The following DLL3 variants were observed in gnomAD, a reference collection of about 807,000 sequenced individuals.
DLL3 encodes the protein delta like canonical Notch ligand 3.
A neutral mutation model predicts 55.0 loss-of-function variants in DLL3; 49 were observed. That is an observed-to-expected ratio of 0.89 (90% CI 0.71 to 1.13). DLL3 has a LOEUF of 1.13. Ranked by LOEUF, DLL3 falls within the 50% of genes most tolerant of loss-of-function variation. DLL3 has a pLI of 0.00. For missense variants in DLL3, 962 were observed against 875.5 expected (o/e 1.10, Z -1.25); for synonymous variants, 421 against 385.2 (o/e 1.09, Z -1.09).
chr19:39,507,067 C>T lies in DLL3; in HGVS notation c.1122C>T (p.Ala374=). 6.5e-7 allele frequency: 1 copy of T among 1,540,908 alleles called. No individual in the cohort carries two copies. Among genetic ancestry groups the T allele is most frequent in the East Asian group, 2.4e-5 (1 of 41,342 alleles). The change falls in exon 7 of 9, where the codon GCC becomes GCT. Residue 374 remains alanine (A), a synonymous_variant. Coordinates refer to ENST00000356433, the MANE Select transcript of DLL3 (RefSeq NM_203486.3). The stretch of plus-strand genomic sequence containing the variant: ...GACTCTGCCTGGACCTGGGCCACGC[C>T]CTGCGCTGCCGCTGCCGCGCCGGCT... ...NGGLCLDLGH[A]LRCRCRAGFA...
At chr19:39,503,106 CCTCCTGAGCGTCA>C in intron 4 of DLL3, 49 bp downstream of exon 4, 1 of 1,507,388 alleles carries the variant, frequency 6.6e-7, no homozygotes, top group East Asian at 2.6e-5. Context: ...GACCCCGGCC[CCTCCTGAGCGTCA>C]CTCGCGGCCC....
In DLL3 at chr19:39,504,138, A is replaced by T. The variant is rs2079627324; in HGVS notation, c.720A>T (p.Leu240=). ...AACAGCCCGGTGAATGCCGATGCCT[A>T]GAGGGCTGGACTGGACCCCTCTGCA... ...FCEQPGECRC[L]EGWTGPLCTV... is the part of the protein sequence containing the mutation. Residue 240 remains leucine, a synonymous_variant, in exon 5 of 9, where the codon CTA becomes CTT. Transcript: ENST00000356433. The T allele has an allele frequency of 2.5e-6, 4 of 1,612,920 alleles. No individual in the cohort carries two copies. The highest frequency in any genetic ancestry group is 3.4e-6 in the Non-Finnish European group (4 of 1,180,016).
intron 2 of DLL3, among the ~76,000 whole-genome samples, chr19:39,499,838 C>T (rs974516930): frequency 3.2e-4 from 48 of 148,562 alleles, no homozygotes; most frequent in African/African-American, 1.1e-3. Flanking sequence ...TTGGGGACCA[C>T]TAATATCTTC....
In DLL3 at chr19:39,500,689, T is replaced by C. The variant is rs1229588336; in HGVS notation, c.409+17T>C. 1 of 1,611,712 alleles carries C rather than the reference T, an allele frequency of 6.2e-7. No homozygotes were observed. Among genetic ancestry groups the C allele is most frequent in the Non-Finnish European group, 8.5e-7 (1 of 1,178,074 alleles). ...AGATTGGAGGTGAGTGTCTTCAGTC[T>C]TGGGACTGGTGGGGAGCTGGGGCCC... is the stretch of plus-strand genomic sequence containing the variant. On this transcript the variant is annotated intron_variant, in intron 3 of 8. Coordinates refer to ENST00000356433, the MANE Select transcript of DLL3 (RefSeq NM_203486.3).
At position 39,502,920 on chromosome 19, in the gene DLL3, T is replaced by G. The variant is rs8107127; in HGVS notation, c.515T>G (p.Phe172Cys). 0.32 allele frequency: 461,949 copies of G among 1,441,728 alleles called. 75,877 individuals are homozygous for G. The highest frequency in any genetic ancestry group is 0.38 in the Middle Eastern group (1,523 of 4,054). The allele number at this position is 1,441,728 out of a possible 1,614,324, so 89.3% of individuals were successfully genotyped here. ...IQRAGAWELRFSYRARCEPPA... is the reference protein window; with the variant it reads ...IQRAGAWELRCSYRARCEPPA... ...CGCGCAGGCGCCTGGGAGCTGCGCTTCTCGTACCGCGCGCGCTGCGAGCCG... is the reference window on the plus strand; with the variant it reads ...CGCGCAGGCGCCTGGGAGCTGCGCTGCTCGTACCGCGCGCGCTGCGAGCCG... The change falls in exon 4 of 9, where the codon TTC becomes TGC. Residue 172 changes from phenylalanine (F) to cysteine (C), a missense_variant. Coordinates refer to ENST00000356433, the MANE Select transcript of DLL3 (RefSeq NM_203486.3).
intron 3 of DLL3, 60 bp downstream of exon 3, chr19:39,500,732 G>C (rs1275997336): frequency 1.3e-6 from 2 of 1,482,370 alleles, no homozygotes; most frequent in African/African-American, 2.8e-5. Context: ...ACACGGGGTT[G>C]GTGGTGTTAT....
chr19:39,506,371 A>G lies in DLL3; in HGVS notation c.1094-668A>G, dbSNP rs545487555. Among the ~76,000 whole-genome samples, 22 of 151,722 alleles carry G rather than the reference A, an allele frequency of 1.5e-4. No homozygotes were observed. The East Asian group carries it at 3.5e-3, about 24-fold the overall frequency. ...GACAGAGCGAGACTCCGTTTCGAAAAAAAAAAAAAAAAAGATCATGAATGT... is the reference window on the plus strand; with the variant it reads ...GACAGAGCGAGACTCCGTTTCGAAAGAAAAAAAAAAAAAGATCATGAATGT... On this transcript the variant is annotated intron_variant, in intron 6 of 8. Coordinates refer to ENST00000356433, the MANE Select transcript of DLL3 (RefSeq NM_203486.3).
chr19:39,506,969 C>G, intron 6 of DLL3, 70 bp from the exon 7 acceptor site: 3 of 1,481,968 alleles, frequency 2.0e-6, no homozygotes, highest in Non-Finnish European at 2.7e-6. Flanking sequence ...GATGACAGAG[C>G]TGGGAAACAG....
Position 39,504,130 on chromosome 19 carries a change from C to T in DLL3, c.712C>T (p.Arg238Ter), listed in dbSNP as rs104894675. 14 of 1,612,900 alleles carry T rather than the reference C, an allele frequency of 8.7e-6. No individual in the cohort carries two copies. The highest frequency in any genetic ancestry group is 5.0e-5 in the Admixed American group (3 of 60,008). The change falls in exon 5 of 9, where the codon CGA becomes TGA. Residue 238 changes from arginine (R) to a stop codon, truncating the protein, a stop_gained. Coordinates refer to ENST00000356433, the MANE Select transcript of DLL3 (RefSeq NM_203486.3). LOFTEE classifies it high-confidence loss of function. ...HGFCEQPGEC[R>*]CLEGWTGPLC... ...CTTCTGTGAACAGCCCGGTGAATGC[C>T]GATGCCTAGAGGGCTGGACTGGACC...
rs746558629 is a variant in DLL3, at chr19:39,503,029, A to C, written c.624A>C (p.Ala208=). The C allele has an allele frequency of 8.9e-5, 135 of 1,517,022 alleles. No homozygotes were observed. The highest frequency in any genetic ancestry group is 6.9e-4 in the Middle Eastern group (3 of 4,318). The allele number at this position is 1,517,022 out of a possible 1,614,324, so 94.0% of individuals were successfully genotyped here. ...SRCGPGLRPC[A]PLEDECEAPL... ...GCGGTCCGGGACTGCGCCCCTGCGC[A>C]CCGCTCGAGGACGAATGTGAGGCGC... is the stretch of plus-strand genomic sequence containing the variant. Residue 208 remains alanine, a synonymous_variant, in exon 4 of 9, where the codon GCA becomes GCC. Coordinates refer to ENST00000356433, the MANE Select transcript of DLL3 (RefSeq NM_203486.3).
At chr19:39,503,457 G>A (rs2079622846) in intron 4 of DLL3, among the ~76,000 whole-genome samples, 1 of 152,086 alleles carries the variant, frequency 6.6e-6, no homozygotes, top group Non-Finnish European at 1.5e-5. Flanking sequence ...GGACTCCAAA[G>A]CTCTTCTAAT....
At position 39,507,110 on chromosome 19, in the gene DLL3, G is replaced by A. The variant is rs1405227809; in HGVS notation, c.1165G>A (p.Glu389Lys). ...CRAGFAGPRC[E>K]HDLDDCAGRA... ...CGCCGGCTTCGCGGGTCCTCGCTGC[G>A]AGCACGACCTGGACGACTGCGCGGG... is the stretch of plus-strand genomic sequence containing the variant. The change falls in exon 7 of 9, where the codon GAG becomes AAG. Residue 389 changes from glutamate to lysine, a missense_variant. By Grantham distance (56) the Glu-to-Lys change is moderately conservative. Transcript: ENST00000356433. 1.3e-6 allele frequency: 2 copies of A among 1,542,514 alleles called. No homozygotes were observed. Among genetic ancestry groups the A allele is most frequent in the Admixed American group, 1.9e-5 (1 of 52,790 alleles).
intron 6 of DLL3, among the ~76,000 whole-genome samples, chr19:39,506,075 G>C (rs1024824315): frequency 6.6e-6 from 1 of 152,064 alleles, no homozygotes; most frequent in Admixed American, 6.6e-5. Flanking sequence ...AGCCGGGCGT[G>C]ATGGCAGGTG....
chr19:39,502,653 A>T (rs760153933), intron 3 of DLL3, among the ~76,000 whole-genome samples, 162 bp from the exon 4 acceptor site: 9 of 152,126 alleles, frequency 5.9e-5, no homozygotes, highest in Non-Finnish European at 1.2e-4. Flanking sequence ...GCTAAAGTAG[A>T]GGGTGACTGC....
chr19:39,504,431 C>T (rs891911594), intron 5 of DLL3, 143 bp downstream of exon 5: 27 of 935,718 alleles, frequency 2.9e-5, no homozygotes, highest in East Asian at 2.4e-4. Flanking sequence ...GGCATCCAGC[C>T]GGCATCTGGG....
chr19:39,505,790 G>A (rs1391458589), intron 6 of DLL3: 2 of 311,176 alleles, frequency 6.4e-6, no homozygotes, highest in Non-Finnish European at 1.2e-5. Flanking sequence ...ATGAGGTCAG[G>A]GAGGTGACTG....
rs889592641 is a variant in DLL3, at chr19:39,499,098, G to A, written c.69+55G>A. On this transcript the variant is annotated intron_variant, in intron 1 of 8. Coordinates refer to ENST00000356433, the MANE Select transcript of DLL3 (RefSeq NM_203486.3). ...AGGGATGAATGCGGAGGGGAGGGGTGAGTGCGACCTGAAGGTCCTGGGGAA... is the reference window on the plus strand; with the variant it reads ...AGGGATGAATGCGGAGGGGAGGGGTAAGTGCGACCTGAAGGTCCTGGGGAA... The A allele has an allele frequency of 3.1e-6, 5 of 1,613,570 alleles. No homozygotes were observed. The African/African-American group carries it at 5.3e-5, about 17-fold the overall frequency.
chr19:39,506,308 A>T (rs967304202), intron 6 of DLL3, among the ~76,000 whole-genome samples: 5 of 145,574 alleles, frequency 3.4e-5, no homozygotes, highest in African/African-American at 1.3e-4. Context: ...CGGAGGTTGC[A>T]GTGAGCCGAG....
At chr19:39,503,941 G>T (rs1347358710) in intron 4 of DLL3, 130 bp from the exon 5 acceptor site, 4 of 888,438 alleles carry the variant, frequency 4.5e-6, no homozygotes, top group Non-Finnish European at 7.2e-6. Flanking sequence ...TAGTCCCGAT[G>T]ATTATCTGTC....
Sources: allele counts gnomAD v4.1 joint callset (sites outside exome capture counted in the v4.1 genomes callset), GRCh38; gene constraint gnomAD v4.1.1; transcripts MANE v1.5; gene names NCBI Gene and HGNC (gene_info 2026-07-23, HGNC 2026-07-21).